GLB1L2: variants seen among roughly 807,000 people sequenced by gnomAD.
GLB1L2 encodes the protein beta-galactosidase-1-like protein 2.
GLB1L2 carries 68 observed loss-of-function variants against 84.1 expected under a neutral mutation model. The ratio of observed to expected loss-of-function variants is 0.81; its 90% CI spans 0.67 to 0.99. The LOEUF is 0.99. GLB1L2 is among the 50% of genes least tolerant of loss of function. The pLI is 0.00. For missense variants in GLB1L2, 762 were observed against 805.6 expected, an observed-to-expected ratio of 0.95 and a Z score of 0.66; for synonymous variants, 290 against 318.0, an observed-to-expected ratio of 0.91 and a Z score of 0.94.
chr11:134,344,153 C>T (rs372706456), intron 2 of GLB1L2, among the ~76,000 whole-genome samples: 1 of 152,208 alleles, frequency 6.6e-6, no homozygotes, highest in Non-Finnish European at 1.5e-5. Flanking sequence ...AGCGCCTGAC[C>T]TTTTACTCAG....
At position 134,370,179 on chromosome 11, in the gene GLB1L2, C is replaced by T; in HGVS notation, c.1109-114C>T. 2.2e-6 allele frequency: 2 copies of T among 904,322 alleles called. No homozygotes were observed. The highest frequency in any genetic ancestry group is 3.6e-6 in the Non-Finnish European group (2 of 549,868). 56.0% of individuals were successfully genotyped at this position (904,322 alleles called of 1,614,324 possible). A position where few individuals can be genotyped will look rare whatever the true frequency, so the allele number is the denominator to read the frequency against. On this transcript the variant is annotated intron_variant, in intron 11 of 18. Transcript: ENST00000535456. The surrounding 1 kb of genome is among the most constrained non-coding windows in gnomAD (Gnocchi z 4.7). ...TGCTGAGAGCTAGCCTGTTGTTCCT[C>T]TTGGTGCTGGGACGCAGGAGCACAT...
rs904456197 is a variant in GLB1L2, at chr11:134,334,556, A to G, written c.86+2409A>G. 2.0e-4 allele frequency among the ~76,000 whole-genome samples: 31 copies of G among 152,068 alleles called. No homozygotes were observed. The highest frequency in any genetic ancestry group is 7.5e-4 in the African/African-American group (31 of 41,388). ...TACAATTTGATAAGCTTTGACACATATCTAAATCCAGCTGTGAATCTATCA... is the reference window on the plus strand; with the variant it reads ...TACAATTTGATAAGCTTTGACACATGTCTAAATCCAGCTGTGAATCTATCA... On this transcript the variant is annotated intron_variant, in intron 1 of 18. Transcript: ENST00000535456. This position sits in a 1 kb window ranked among gnomAD's most constrained non-coding sequence, Gnocchi z 4.1.
Position 134,347,383 on chromosome 11 carries a change from G to A in GLB1L2, c.508G>A (p.Ala170Thr). 6.2e-7 allele frequency: 1 copy of A among 1,614,198 alleles called. No homozygotes were observed. Among genetic ancestry groups the A allele is most frequent in the Non-Finnish European group, 8.5e-7 (1 of 1,180,012 alleles). ...GACAACTTACAAGGGCTTCACCGAA[G>A]CAGTGGACCTTTATTTTGACCACCT... ...LRTTYKGFTE[A>T]VDLYFDHLMS... The change falls in exon 5 of 19, where the codon GCA becomes ACA. Residue 170 changes from alanine (A) to threonine (T), a missense_variant. Around this residue, in one of 3 missense-constraint regions of GLB1L2, gnomAD observed 603 missense variants for 611.7 expected, o/e 0.99. Coordinates refer to ENST00000535456, the MANE Select transcript of GLB1L2 (RefSeq NM_001370461.1).
In GLB1L2 at chr11:134,334,983, C is replaced by T. The variant is rs189996008; in HGVS notation, c.86+2836C>T. Among the ~76,000 whole-genome samples, 33 of 152,156 alleles carry T rather than the reference C, an allele frequency of 2.2e-4. No homozygotes were observed. Among genetic ancestry groups the T allele is most frequent in the African/African-American group, 4.6e-4 (19 of 41,490 alleles). On this transcript the variant is annotated intron_variant, in intron 1 of 18. Transcript: ENST00000535456. The surrounding 1 kb of genome is among the most constrained non-coding windows in gnomAD (Gnocchi z 4.1). ...AATCACCGAGCAAGAATACAGGCAA[C>T]GCTGCATCTCTCATACCTGAAATTT...
At chr11:134,343,065 C>G in intron 2 of GLB1L2, 114 bp downstream of exon 2, 1 of 1,035,698 alleles carries the variant, frequency 9.7e-7, no homozygotes, top group Non-Finnish European at 1.4e-6. Context: ...GGCGAGAGAG[C>G]CAGGGTCTCC....
At chr11:134,369,928 G>T (rs368004154) in intron 11 of GLB1L2, 43 bp downstream of exon 11, 1 of 1,543,192 alleles carries the variant, frequency 6.5e-7, no homozygotes. Context: ...TCAGGCCCTC[G>T]CTTCTGCTCT....
chr11:134,345,305 C>A (rs1943538702), intron 4 of GLB1L2, among the ~76,000 whole-genome samples, 176 bp downstream of exon 4: 1 of 152,232 alleles, frequency 6.6e-6, no homozygotes, highest in Non-Finnish European at 1.5e-5. Flanking sequence ...TTCAGTGATG[C>A]TGCAGTGAGT....
At chr11:134,362,683 C>T (rs895111116) in intron 7 of GLB1L2, among the ~76,000 whole-genome samples, 16 of 152,232 alleles carry the variant, frequency 1.1e-4, no homozygotes, top group African/African-American at 2.7e-4. Context: ...TTCCTCTTCC[C>T]GCCCTCCCCT....
chr11:134,364,199 G>T (rs1382202486), intron 7 of GLB1L2, 129 bp from the exon 8 acceptor site: 2 of 717,210 alleles, frequency 2.8e-6, no homozygotes, highest in East Asian at 2.6e-5. Flanking sequence ...CTTCTAACTG[G>T]AGGTGGGAAA....
chr11:134,353,656 G>A (rs182539749), intron 5 of GLB1L2, among the ~76,000 whole-genome samples: 4 of 152,106 alleles, frequency 2.6e-5, no homozygotes, highest in African/African-American at 9.6e-5. Flanking sequence ...TACTATTATT[G>A]TCTATTTTTC....
At chr11:134,367,550 GT>G (rs1185621065) in intron 9 of GLB1L2, among the ~76,000 whole-genome samples, 1 of 152,172 alleles carries the variant, frequency 6.6e-6, no homozygotes, top group East Asian at 1.9e-4. Flanking sequence ...TCGTGTTTTT[GT>G]AATTAGAAGG....
intron 2 of GLB1L2, among the ~76,000 whole-genome samples, chr11:134,343,914 G>C (rs1360202723): frequency 6.6e-6 from 1 of 152,224 alleles, no homozygotes; most frequent in East Asian, 1.9e-4. Context: ...TGTCATCCAT[G>C]AGTCGTCCCT....
chr11:134,371,062 A>T lies in GLB1L2; in HGVS notation c.1270A>T (p.Asn424Tyr), dbSNP rs140811960. Residue 424 changes from asparagine (N) to tyrosine (Y), a missense_variant, in exon 13 of 19, where the codon AAT (asparagine) becomes TAT (tyrosine). By Grantham distance (143) the Asn-to-Tyr change is moderately radical (BLOSUM62 -2). Around this residue, in one of 3 missense-constraint regions of GLB1L2, gnomAD observed 603 missense variants for 611.7 expected, o/e 0.99. Coordinates refer to ENST00000535456, the MANE Select transcript of GLB1L2 (RefSeq NM_001370461.1). ...GGAGAACCTGCCAGTCAATGGGGGAAATGGACAGTCCTTCGGGTACATTCT... is the reference window on the plus strand; with the variant it reads ...GGAGAACCTGCCAGTCAATGGGGGATATGGACAGTCCTTCGGGTACATTCT... ...NMENLPVNGGNGQSFGYILYE... is the reference protein window; with the variant it reads ...NMENLPVNGGYGQSFGYILYE... 8.1e-6 allele frequency: 13 copies of T among 1,614,038 alleles called. No homozygotes were observed. The African/African-American group carries it at 1.6e-4, about 20-fold the overall frequency.
At chr11:134,350,792 C>T (rs1943617553) in intron 5 of GLB1L2, among the ~76,000 whole-genome samples, 1 of 152,176 alleles carries the variant, frequency 6.6e-6, no homozygotes, top group Non-Finnish European at 1.5e-5. Context: ...TAAATGTATT[C>T]CCAAGTATTT....
At position 134,341,655 on chromosome 11, in the gene GLB1L2, G is replaced by A. The variant is rs183610215; in HGVS notation, c.87-1099G>A. Among the ~76,000 whole-genome samples the A allele has an allele frequency of 5.6e-3, 850 of 152,330 alleles. 10 individuals carry two copies. The highest frequency in any genetic ancestry group is 0.02 in the African/African-American group (811 of 41,570). ...CTTCGGTGTGAGTTCTAAGGCCCTGGGGCTGTGAGAAGTAGGAAGGAGTAG... is the reference window on the plus strand; with the variant it reads ...CTTCGGTGTGAGTTCTAAGGCCCTGAGGCTGTGAGAAGTAGGAAGGAGTAG... On this transcript the variant is annotated intron_variant, in intron 1 of 18. Coordinates refer to ENST00000535456, the MANE Select transcript of GLB1L2 (RefSeq NM_001370461.1).
chr11:134,371,235 T>G, intron 13 of GLB1L2, 87 bp downstream of exon 13: 1 of 1,520,838 alleles, frequency 6.6e-7, no homozygotes, highest in Non-Finnish European at 9.1e-7. Context: ...GAATCAGCTC[T>G]TACCAGTGTG....
chr11:134,374,903 C>A, intron 18 of GLB1L2, 69 bp from the exon 19 acceptor site: 1 of 1,463,190 alleles, frequency 6.8e-7, no homozygotes, highest in Non-Finnish European at 9.5e-7. Context: ...GACCCTGCCA[C>A]CTCTCAGCAC....
At chr11:134,372,419 C>CT (rs1943967734) in intron 15 of GLB1L2, 1 of 151,516 alleles carries the variant, frequency 6.6e-6, no homozygotes, top group Non-Finnish European at 1.5e-5. Context: ...GAGTCTCGCT[C>CT]TTTCACCCAG....
chr11:134,371,925 C>A (rs995991603), intron 15 of GLB1L2, 95 bp downstream of exon 15: 1 of 1,234,392 alleles, frequency 8.1e-7, no homozygotes, highest in Admixed American at 1.7e-5. Context: ...GCCATGGAGG[C>A]CTCTTGCAGG....
Sources: gnomAD v4.1 joint callset for allele counts (sites outside exome capture counted in the v4.1 genomes callset) on GRCh38, gnomAD v4.1.1 for gene constraint, gnomAD v4.1.1 regional missense constraint, Gnocchi (gnomAD v3.1) non-coding constraint, MANE v1.5 for transcripts, NCBI Gene and HGNC (gene_info 2026-07-23, HGNC 2026-07-21) for gene names.